FARS2: variants seen among roughly 807,000 people sequenced by gnomAD.
FARS2 encodes the protein phenylalanyl-tRNA synthetase 2, mitochondrial, also known as phenylalanine--tRNA ligase, mitochondrial.
Under a neutral mutation model 46.4 loss-of-function variants are expected in FARS2, and 40 were observed. The ratio of observed to expected loss-of-function variants is 0.86; its 90% CI spans 0.67 to 1.12. The LOEUF (loss-of-function observed/expected upper bound fraction) is 1.12, where lower values mean the gene tolerates loss of function less well. Among genes scored for constraint, FARS2 ranks in the 50% most tolerant of loss-of-function variants. FARS2 has a pLI of 0.00. For missense variants in FARS2, 513 were observed against 567.9 expected, an observed-to-expected ratio of 0.90 and a Z score of 0.98; for synonymous variants, 234 against 214.9, an observed-to-expected ratio of 1.09 and a Z score of -0.78.
At chr6:5,685,025 C>T (rs115952195) in intron 6 of FARS2, among the ~76,000 whole-genome samples, 110 of 152,232 alleles carry the variant, frequency 7.2e-4, no homozygotes, top group African/African-American at 2.5e-3. Flanking sequence ...GAACCCTTGA[C>T]CCTAAACACC....
intron 5 of FARS2, among the ~76,000 whole-genome samples, chr6:5,552,872 A>T (rs1019581372): frequency 6.6e-6 from 1 of 152,164 alleles, no homozygotes; most frequent in Non-Finnish European, 1.5e-5. Context: ...TTTGTTGCAT[A>T]TACTCCTGCC....
intron 5 of FARS2, among the ~76,000 whole-genome samples, chr6:5,560,854 C>T (rs770238955): frequency 2.6e-5 from 4 of 152,090 alleles, no homozygotes; most frequent in East Asian, 1.9e-4. Context: ...CACAGCTGGG[C>T]GCTGTGGCTC....
chr6:5,631,118 C>T (rs1409398779), intron 6 of FARS2, among the ~76,000 whole-genome samples: 2 of 152,082 alleles, frequency 1.3e-5, no homozygotes, highest in South Asian at 2.1e-4. Flanking sequence ...ACAGCCTCCC[C>T]AAAATAAGAG....
upstream of FARS2, among the ~76,000 whole-genome samples, chr6:5,257,658 T>G (rs534041077): frequency 6.6e-6 from 1 of 152,152 alleles, no homozygotes; most frequent in Non-Finnish European, 1.5e-5. Flanking sequence ...TAGATTCTCA[T>G]AGGTGCACCT....
intron 4 of FARS2, among the ~76,000 whole-genome samples, chr6:5,535,556 G>A (rs569007799): frequency 3.3e-5 from 5 of 152,262 alleles, no homozygotes; most frequent in Non-Finnish European, 7.4e-5. Flanking sequence ...GACTAGTAGC[G>A]GTGACTGTGA....
rs117445526 is a variant in FARS2 at position 5,281,311 on chromosome 6, T to C, written c.-22+19651T>C. 6.4e-4 allele frequency among the ~76,000 whole-genome samples: 98 copies of C among 152,330 alleles called. 6 individuals are homozygous for C. In the East Asian group the frequency reaches 0.019, roughly 29 times the overall value. On this transcript the variant is annotated intron_variant, in intron 1 of 6. Coordinates refer to ENST00000274680, the MANE Select transcript of FARS2 (RefSeq NM_006567.5). ...TAATTCATGTATTAGAGGCATCAGGTTTAAAATAAACTGCTGTTCTTTCAC... is the reference window on the plus strand; with the variant it reads ...TAATTCATGTATTAGAGGCATCAGGCTTAAAATAAACTGCTGTTCTTTCAC...
intron 4 of FARS2, among the ~76,000 whole-genome samples, chr6:5,507,613 G>C (rs766648283): frequency 2.0e-5 from 3 of 152,212 alleles, no homozygotes; most frequent in Non-Finnish European, 4.4e-5. Context: ...AGAGGAAGCA[G>C]AGCTGTTCAT....
At chr6:5,335,172 A>T (rs1020372602) in intron 1 of FARS2, among the ~76,000 whole-genome samples, 1 of 152,204 alleles carries the variant, frequency 6.6e-6, no homozygotes, top group Non-Finnish European at 1.5e-5. Flanking sequence ...TTTACTTCCC[A>T]ATCAGTATTC....
chr6:5,313,269 G>T (rs1482848597), intron 1 of FARS2, among the ~76,000 whole-genome samples: 2 of 152,192 alleles, frequency 1.3e-5, no homozygotes, highest in African/African-American at 4.8e-5. Flanking sequence ...ATCTCAGGTT[G>T]TCTGTCTGCT....
intron 2 of FARS2, among the ~76,000 whole-genome samples, chr6:5,399,917 A>T (rs901026861): frequency 3.9e-5 from 6 of 152,168 alleles, no homozygotes; most frequent in African/African-American, 1.4e-4. Context: ...GTTACAAACA[A>T]TACTACAATG....
At chr6:5,268,189 G>A (rs1206794483) in intron 1 of FARS2, among the ~76,000 whole-genome samples, 1 of 151,588 alleles carries the variant, frequency 6.6e-6, no homozygotes, top group Admixed American at 6.6e-5. Context: ...CTTTTGCTGT[G>A]CAGAAGCTCT....
chr6:5,302,794 G>A (rs574499368), intron 1 of FARS2, among the ~76,000 whole-genome samples: 37 of 152,190 alleles, frequency 2.4e-4, no homozygotes, highest in African/African-American at 8.9e-4. Flanking sequence ...GTTTTGGTTT[G>A]GGCAGTGGAG....
At chr6:5,663,003 C>T (rs1034271784) in intron 6 of FARS2, among the ~76,000 whole-genome samples, 24 of 152,324 alleles carry the variant, frequency 1.6e-4, no homozygotes, top group African/African-American at 4.8e-4. Flanking sequence ...GATGGTGCTT[C>T]GGAAGCCTGT....
chr6:5,747,532 C>T (rs1036513001), intron 6 of FARS2, among the ~76,000 whole-genome samples: 2 of 152,192 alleles, frequency 1.3e-5, no homozygotes, highest in Non-Finnish European at 2.9e-5. Flanking sequence ...TCCTGTCTGC[C>T]ATATGCTGTT....
intron 6 of FARS2, among the ~76,000 whole-genome samples, chr6:5,638,163 A>G (rs1776633673): frequency 6.6e-6 from 1 of 152,190 alleles, no homozygotes; most frequent in Admixed American, 6.5e-5. Flanking sequence ...ATTCTAATAC[A>G]GTACTTTTAA....
At chr6:5,257,606 T>C (rs1764740028), upstream of FARS2, among the ~76,000 whole-genome samples, 1 of 152,170 alleles carries the variant, frequency 6.6e-6, no homozygotes. Flanking sequence ...TGAGTGCGCA[T>C]TATGGCCTGA....
intron 4 of FARS2, among the ~76,000 whole-genome samples, chr6:5,529,999 G>A (rs897704467): frequency 2.6e-5 from 4 of 152,344 alleles, no homozygotes; most frequent in African/African-American, 7.2e-5. Context: ...ACCCAGCTGA[G>A]AGCTGAAGAA....
At chr6:5,444,520 A>C (rs1764064140) in intron 4 of FARS2, among the ~76,000 whole-genome samples, 1 of 144,674 alleles carries the variant, frequency 6.9e-6, no homozygotes, top group African/African-American at 2.6e-5. Flanking sequence ...GAGAGGAAAA[A>C]ATCTTAGTGC....
intron 1 of FARS2, among the ~76,000 whole-genome samples, chr6:5,283,391 A>C (rs970908095): frequency 2.0e-5 from 3 of 150,824 alleles, no homozygotes; most frequent in Non-Finnish European, 4.4e-5. Context: ...AAAAAAAAAA[A>C]AAAACAAATT....
Sources: allele counts gnomAD v4.1 joint callset (sites outside exome capture counted in the v4.1 genomes callset), GRCh38; gene constraint gnomAD v4.1.1; transcripts MANE v1.5; gene names NCBI Gene and HGNC (gene_info 2026-07-23, HGNC 2026-07-21).